SLC43A1: variants seen among roughly 807,000 people sequenced by gnomAD.
SLC43A1 encodes large neutral amino acids transporter small subunit 3.
SLC43A1 carries 31 observed loss-of-function variants against 59.5 expected under a neutral mutation model. The ratio of observed to expected loss-of-function variants is 0.52; its 90% CI spans 0.39 to 0.70. SLC43A1 has a LOEUF of 0.70. SLC43A1 is among the 30% of genes least tolerant of loss of function. The pLI, the probability that SLC43A1 is intolerant of heterozygous loss-of-function variation, is 0.00. For missense variants in SLC43A1, 598 were observed against 717.8 expected, an observed-to-expected ratio of 0.83 and a Z score of 1.91; for synonymous variants, 259 against 290.9, an observed-to-expected ratio of 0.89 and a Z score of 1.12.
intron 6 of SLC43A1, 91 bp from the exon 7 acceptor site, chr11:57,496,255 T>C (rs1333498786): frequency 6.9e-7 from 1 of 1,451,818 alleles, no homozygotes; most frequent in East Asian, 2.4e-5. Flanking sequence ...CTTAAAGAAG[T>C]TCTCTTCTCC....
chr11:57,513,815 C>T, intron 2 of SLC43A1, 143 bp downstream of exon 2: 1 of 686,502 alleles, frequency 1.5e-6, no homozygotes, highest in South Asian at 1.7e-5. Flanking sequence ...CAATCTCCCC[C>T]TGAAGTTTGA....
In SLC43A1 at chr11:57,485,055, G is replaced by GCCTT. The variant is rs1565120437; in HGVS notation, c.*37_*40dup. 6.3e-7 allele frequency: 1 copy of GCCTT among 1,584,634 alleles called. No individual in the cohort carries two copies. The highest frequency in any genetic ancestry group is 8.6e-7 in the Non-Finnish European group (1 of 1,167,218). On this transcript the variant is annotated 3_prime_UTR_variant, in exon 15 of 15. Coordinates refer to ENST00000278426, the MANE Select transcript of SLC43A1 (RefSeq NM_003627.6). ...TGGGGCACTCCTTTTGGTTGCTCAG[G>GCCTT]CCTTGATTGCCTGTCATCCAGGTCC...
At chr11:57,500,053 C>A (rs1231357382) in intron 5 of SLC43A1, among the ~76,000 whole-genome samples, 1 of 152,164 alleles carries the variant, frequency 6.6e-6, no homozygotes, top group African/African-American at 2.4e-5. Flanking sequence ...CGAGCCAGCC[C>A]GGCCAGGAAC....
intron 13 of SLC43A1, 41 bp downstream of exon 13, chr11:57,488,875 G>A (rs750018464): frequency 6.4e-7 from 1 of 1,553,504 alleles, no homozygotes; most frequent in South Asian, 1.1e-5. Context: ...TCTGATCACG[G>A]TTGCAAAGCT....
rs760902138 is a variant in SLC43A1 at position 57,501,134 on chromosome 11, A to G, written c.332+18T>C. On this transcript the variant is annotated intron_variant, in intron 3 of 14. Coordinates refer to ENST00000278426, the MANE Select transcript of SLC43A1 (RefSeq NM_003627.6). ...CACGGTCCCTGTCCTCCCGTTCCCCATAGCCCAGCCACCTCACCTGCCAAC... is the reference window on the plus strand; with the variant it reads ...CACGGTCCCTGTCCTCCCGTTCCCCGTAGCCCAGCCACCTCACCTGCCAAC... 3 of 1,612,096 alleles carry G rather than the reference A, an allele frequency of 1.9e-6. No individual in the cohort carries two copies. Among genetic ancestry groups the G allele is most frequent in the Admixed American group, 3.3e-5 (2 of 59,944 alleles).
chr11:57,510,402 G>A (rs1944507173), intron 2 of SLC43A1, among the ~76,000 whole-genome samples: 1 of 139,072 alleles, frequency 7.2e-6, no homozygotes, highest in Non-Finnish European at 1.5e-5. Flanking sequence ...AGGTTGCAGT[G>A]AGCTGAGATC....
intron 8 of SLC43A1, among the ~76,000 whole-genome samples, 197 bp downstream of exon 8, chr11:57,493,796 A>AC (rs1387477860): frequency 3.9e-5 from 6 of 152,196 alleles, no homozygotes; most frequent in African/African-American, 1.4e-4. Flanking sequence ...CAGCAGGGTA[A>AC]CCCTGAATCT....
chr11:57,487,107 T>C lies in SLC43A1; in HGVS notation c.1521A>G (p.Gly507=). ...LFMAMVGPLK[G]EPFWVNLGLL... The stretch of plus-strand genomic sequence containing the variant: ...CCCTCGCTCTCACCCAGAAGGGCTC[T>C]CCTTTCAGGGGTCCCACCATCGCCA... The change falls in exon 14 of 15, where the codon GGA becomes GGG. Residue 507 remains glycine (G), a synonymous_variant. Coordinates refer to ENST00000278426, the MANE Select transcript of SLC43A1 (RefSeq NM_003627.6). The C allele has an allele frequency of 6.2e-7, 1 of 1,613,882 alleles. No homozygotes were observed. Among genetic ancestry groups the C allele is most frequent in the Non-Finnish European group, 8.5e-7 (1 of 1,179,956 alleles).
chr11:57,495,520 G>A (rs2729385), intron 7 of SLC43A1, among the ~76,000 whole-genome samples: 39,293 of 151,866 alleles, frequency 0.26, 6,363 homozygotes, highest in East Asian at 0.53. Flanking sequence ...TGTGCCAACT[G>A]TATTACTTAA....
chr11:57,507,081 A>C (rs1031258241), intron 2 of SLC43A1, among the ~76,000 whole-genome samples: 5 of 152,102 alleles, frequency 3.3e-5, no homozygotes, highest in African/African-American at 9.7e-5. Flanking sequence ...TAATCTCAGC[A>C]CTTTGGGAGG....
rs1943819092 is a variant in SLC43A1 at position 57,488,907 on chromosome 11, C to G, written c.1409+9G>C. 6.2e-7 allele frequency: 1 copy of G among 1,612,572 alleles called. No homozygotes were observed. The highest frequency in any genetic ancestry group is 8.5e-7 in the Non-Finnish European group (1 of 1,178,578). ...AGCTCAGGAAGGCATTTCAGCCCAA[C>G]AGACTCACACTGCAGCATAGAGACT... On this transcript the variant is annotated intron_variant, in intron 13 of 14. Transcript: ENST00000278426.
At chr11:57,497,595 T>C (rs1944124066) in intron 6 of SLC43A1, among the ~76,000 whole-genome samples, 158 bp downstream of exon 6, 1 of 152,168 alleles carries the variant, frequency 6.6e-6, no homozygotes, top group Admixed American at 6.5e-5. Flanking sequence ...TGAGAAAGCT[T>C]GCTGTGGCCC....
rs567613201 is a variant in SLC43A1, at chr11:57,503,994, C to T, written c.155-2665G>A. 1.2e-3 allele frequency among the ~76,000 whole-genome samples: 180 copies of T among 152,118 alleles called. 1 individual carries two copies. Among genetic ancestry groups the T allele is most frequent in the South Asian group, 7.7e-3 (37 of 4,812 alleles). On this transcript the variant is annotated intron_variant, in intron 2 of 14. Transcript: ENST00000278426. ...AAATCACAAAGTCAGGAGATCGAGA[C>T]CATCCTGGCTAACACGGTGAAACCC...
At chr11:57,494,472 G>A (rs981287384) in intron 7 of SLC43A1, 20 of 405,110 alleles carry the variant, frequency 4.9e-5, no homozygotes, top group African/African-American at 3.8e-4. Context: ...TCCAACCTAA[G>A]ATTCACCCTC....
In SLC43A1 at chr11:57,491,584, GC is replaced by G; in HGVS notation, c.1054+6del. The G allele has an allele frequency of 1.2e-6, 2 of 1,614,128 alleles. No homozygotes were observed. The highest frequency in any genetic ancestry group is 1.7e-6 in the Non-Finnish European group (2 of 1,180,004). ...CGTGAGCCAGGGCCCTGCTTTCATAGCCCTACCTGTCTCTGCCACCTTTTGT... is the reference window on the plus strand; with the variant it reads ...CGTGAGCCAGGGCCCTGCTTTCATAGCCTACCTGTCTCTGCCACCTTTTGT... On this transcript the variant is annotated splice_donor_region_variant and intron_variant, in intron 10 of 14. Coordinates refer to ENST00000278426, the MANE Select transcript of SLC43A1 (RefSeq NM_003627.6).
chr11:57,494,828 T>C (rs1273831810), intron 7 of SLC43A1, among the ~76,000 whole-genome samples: 1 of 151,944 alleles, frequency 6.6e-6, no homozygotes, highest in African/African-American at 2.4e-5. Context: ...CCAGAAAGGA[T>C]GAAAACAGTA....
intron 2 of SLC43A1, among the ~76,000 whole-genome samples, chr11:57,502,551 A>G (rs1944292836): frequency 6.6e-6 from 1 of 152,146 alleles, no homozygotes; most frequent in Admixed American, 6.6e-5. Flanking sequence ...GGAAGTTCTC[A>G]GCTCTAGAGT....
chr11:57,491,016 C>G (rs891020194), intron 11 of SLC43A1, among the ~76,000 whole-genome samples: 1 of 152,220 alleles, frequency 6.6e-6, no homozygotes, highest in Non-Finnish European at 1.5e-5. Context: ...GCCAAGTGCA[C>G]AGTCAGCACT....
Position 57,512,363 on chromosome 11 carries a change from G to A in SLC43A1, c.154+1595C>T, listed in dbSNP as rs138336030. 4.8e-3 allele frequency among the ~76,000 whole-genome samples: 734 copies of A among 152,154 alleles called. 5 individuals carry two copies. The highest frequency in any genetic ancestry group is 8.7e-3 in the Non-Finnish European group (589 of 67,988). On this transcript the variant is annotated intron_variant, in intron 2 of 14. Coordinates refer to ENST00000278426, the MANE Select transcript of SLC43A1 (RefSeq NM_003627.6). ...TCCCAGCACTGCGGGAGGCCGAGCCGGGTGGGTGACTTGAGGTCAGGTGTT... is the reference window on the plus strand; with the variant it reads ...TCCCAGCACTGCGGGAGGCCGAGCCAGGTGGGTGACTTGAGGTCAGGTGTT...
Sources: allele counts gnomAD v4.1 joint callset (sites outside exome capture counted in the v4.1 genomes callset), GRCh38; gene constraint gnomAD v4.1.1; transcripts MANE v1.5; gene names NCBI Gene and HGNC (gene_info 2026-07-23, HGNC 2026-07-21).